AUTS2: variants seen among roughly 807,000 people sequenced by gnomAD.
The protein encoded by AUTS2 is autism susceptibility gene 2 protein.
Under a neutral mutation model 112.4 loss-of-function variants are expected in AUTS2, and 17 were observed. That is an observed-to-expected ratio of 0.15 (90% confidence interval 0.10 to 0.23). The LOEUF (loss-of-function observed/expected upper bound fraction) is 0.23. Among genes scored for constraint, AUTS2 ranks in the 10% least tolerant of loss-of-function variants. The pLI is 1.00. For missense variants in AUTS2, 1,510 were observed against 1,701.6 expected (o/e 0.89, Z 1.98); for synonymous variants, 751 against 702.7 (o/e 1.07, Z -1.09).
chr7:70,789,872 GAGA>G lies in AUTS2; in HGVS notation c.2659_2661del (p.Lys887del). 1 of 1,614,136 alleles carries G rather than the reference GAGA, an allele frequency of 6.2e-7. No individual in the cohort carries two copies. The highest frequency in any genetic ancestry group is 8.5e-7 in the Non-Finnish European group (1 of 1,180,022). On this transcript the variant is annotated inframe_deletion, in exon 19 of 19. Transcript: ENST00000342771. Reference sequence around the variant, plus strand: ...GGCTCATCTGAACACTGAGGCTCGGGAGAAGGACAAACCCAAAGAGAGGGAGAG... The same window carrying G: ...GGCTCATCTGAACACTGAGGCTCGGGAGGACAAACCCAAAGAGAGGGAGAG...
At chr7:69,872,130 T>C (rs116486918) in intron 1 of AUTS2, among the ~76,000 whole-genome samples, 89 of 152,352 alleles carry the variant, frequency 5.8e-4, no homozygotes, top group African/African-American at 2.1e-3. Context: ...CGAGCCCTTC[T>C]GAGTGCAGGG....
At chr7:70,593,951 T>C (rs183592740) in intron 5 of AUTS2, among the ~76,000 whole-genome samples, 59 of 152,284 alleles carry the variant, frequency 3.9e-4, no homozygotes, top group Non-Finnish European at 7.5e-4. Context: ...TAGAACATCA[T>C]AGAACATAGA....
chr7:70,272,749 G>T (rs1304758208), intron 4 of AUTS2, among the ~76,000 whole-genome samples: 1 of 151,854 alleles, frequency 6.6e-6, no homozygotes, highest in African/African-American at 2.4e-5. Context: ...TTGTTTGTTT[G>T]TTTGTTTTAA....
At chr7:70,517,832 A>G (rs1799480848) in intron 5 of AUTS2, among the ~76,000 whole-genome samples, 1 of 151,848 alleles carries the variant, frequency 6.6e-6, no homozygotes, top group Non-Finnish European at 1.5e-5. Context: ...ATTTGTATAT[A>G]CCCACACACA....
At chr7:70,678,690 C>T (rs914775276) in intron 5 of AUTS2, among the ~76,000 whole-genome samples, 14 of 152,074 alleles carry the variant, frequency 9.2e-5, no homozygotes, top group Admixed American at 1.3e-4. Context: ...TTTTGCAATC[C>T]GTGCTAAAGC....
chr7:69,724,298 A>G (rs1450775606), intron 1 of AUTS2, among the ~76,000 whole-genome samples: 1 of 152,144 alleles, frequency 6.6e-6, no homozygotes, highest in Non-Finnish European at 1.5e-5. Context: ...TTTAATAACT[A>G]TGTGAGGAAA....
chr7:70,139,096 A>G (rs1297839514), intron 4 of AUTS2, among the ~76,000 whole-genome samples: 1 of 152,096 alleles, frequency 6.6e-6, no homozygotes, highest in Non-Finnish European at 1.5e-5. Flanking sequence ...CCTTCCCAGT[A>G]TCTGGGAGTA....
At chr7:70,689,504 C>A (rs1189046322) in intron 5 of AUTS2, among the ~76,000 whole-genome samples, 1 of 152,042 alleles carries the variant, frequency 6.6e-6, no homozygotes, top group Admixed American at 6.5e-5. Context: ...CAGCCAGGCA[C>A]GGTGGCTCAT....
intron 3 of AUTS2, among the ~76,000 whole-genome samples, chr7:70,130,608 TAAG>T (rs1003224598): frequency 6.6e-6 from 1 of 151,972 alleles, no homozygotes; most frequent in Non-Finnish European, 1.5e-5. Flanking sequence ...AGAGTGTTTC[TAAG>T]AAAGCTCTCC....
At chr7:69,643,487 AT>A (rs1794885712) in intron 1 of AUTS2, 1 of 152,100 alleles carries the variant, frequency 6.6e-6, no homozygotes, top group Non-Finnish European at 1.5e-5. Flanking sequence ...TAAAGCCTCA[AT>A]AAACACTGAT....
At chr7:69,690,075 G>C (rs951330527) in intron 1 of AUTS2, among the ~76,000 whole-genome samples, 16 of 152,194 alleles carry the variant, frequency 1.1e-4, no homozygotes, top group African/African-American at 3.6e-4. Flanking sequence ...AGCTTTGTAA[G>C]GGGAGATATT....
intron 1 of AUTS2, among the ~76,000 whole-genome samples, chr7:69,800,515 G>T (rs1790035972): frequency 6.6e-6 from 1 of 152,126 alleles, no homozygotes; most frequent in Non-Finnish European, 1.5e-5. Flanking sequence ...CTATTGGGGT[G>T]ACATTGTGAA....
chr7:70,692,544 C>G (rs1323150934), intron 5 of AUTS2, among the ~76,000 whole-genome samples: 1 of 152,200 alleles, frequency 6.6e-6, no homozygotes, highest in Non-Finnish European at 1.5e-5. Flanking sequence ...AAATCCATCT[C>G]CAAACCTATA....
At chr7:69,694,319 T>C (rs926393650) in intron 1 of AUTS2, among the ~76,000 whole-genome samples, 2 of 152,216 alleles carry the variant, frequency 1.3e-5, no homozygotes, top group African/African-American at 4.8e-5. Flanking sequence ...TAATTTTTTT[T>C]CTACTTTTTA....
intron 5 of AUTS2, among the ~76,000 whole-genome samples, chr7:70,506,180 A>G (rs1057173050): frequency 6.6e-6 from 1 of 152,192 alleles, no homozygotes; most frequent in Non-Finnish European, 1.5e-5. Flanking sequence ...GGATCATAAC[A>G]GAAGGTAGAA....
At chr7:69,973,983 T>G (rs754565334) in intron 2 of AUTS2, among the ~76,000 whole-genome samples, 13 of 152,156 alleles carry the variant, frequency 8.5e-5, no homozygotes, top group Non-Finnish European at 1.6e-4. Context: ...CTGGAAGAGA[T>G]TATGTATAAT....
intron 4 of AUTS2, among the ~76,000 whole-genome samples, chr7:70,234,235 AC>A (rs1812202243): frequency 1.3e-5 from 2 of 152,054 alleles, no homozygotes; most frequent in African/African-American, 4.8e-5. Context: ...ATTTATTTAG[AC>A]CCCAGTATGG....
intron 4 of AUTS2, among the ~76,000 whole-genome samples, chr7:70,269,640 G>A (rs1313918658): frequency 6.6e-6 from 1 of 152,184 alleles, no homozygotes; most frequent in Non-Finnish European, 1.5e-5. Flanking sequence ...AAGATTAGAT[G>A]CATTAACACA....
At chr7:70,050,665 A>G (rs546856580) in intron 2 of AUTS2, among the ~76,000 whole-genome samples, 11 of 152,006 alleles carry the variant, frequency 7.2e-5, no homozygotes, top group Non-Finnish European at 1.2e-4. Flanking sequence ...TCCCCATCCC[A>G]CTCCAGATTC....
Sources: gnomAD v4.1 joint callset for allele counts (sites outside exome capture counted in the v4.1 genomes callset) on GRCh38, gnomAD v4.1.1 for gene constraint, MANE v1.5 for transcripts, NCBI Gene and HGNC (gene_info 2026-07-23, HGNC 2026-07-21) for gene names.